LRFN5: variants seen among roughly 807,000 people sequenced by gnomAD.
The protein encoded by LRFN5 is leucine-rich repeat and fibronectin type-III domain-containing protein 5.
LRFN5 carries 24 observed loss-of-function variants against 45.6 expected under a neutral mutation model. The observed-to-expected ratio is 0.53, with a 90% CI of 0.38 to 0.74. The LOEUF (loss-of-function observed/expected upper bound fraction) is 0.74. Among genes scored for constraint, LRFN5 ranks in the 30% least tolerant of loss-of-function variants. LRFN5 has a pLI of 0.00. For missense variants in LRFN5, 776 were observed against 861.5 expected (o/e 0.90, Z 1.24); for synonymous variants, 340 against 313.8 (o/e 1.08, Z -0.88).
chr14:41,614,276 GA>G (rs1159330852), intron 1 of LRFN5, among the ~76,000 whole-genome samples: 2 of 151,960 alleles, frequency 1.3e-5, no homozygotes, highest in Non-Finnish European at 2.9e-5. Context: ...ATTTTACGTG[GA>G]TAGATATCTT....
chr14:41,808,581 G>T, intron 2 of LRFN5, among the ~76,000 whole-genome samples: 1 of 131,830 alleles, frequency 7.6e-6, no homozygotes, highest in African/African-American at 2.9e-5. Flanking sequence ...AAGGAAGGAA[G>T]GAAGGAAGGA....
chr14:41,828,386 T>G (rs1888367369), intron 2 of LRFN5, among the ~76,000 whole-genome samples: 1 of 151,978 alleles, frequency 6.6e-6, no homozygotes, highest in Non-Finnish European at 1.5e-5. Context: ...GTAGTGCTAG[T>G]AGAATCAAGT....
At chr14:41,831,844 A>G (rs1342200961) in intron 2 of LRFN5, among the ~76,000 whole-genome samples, 1 of 152,046 alleles carries the variant, frequency 6.6e-6, no homozygotes, top group African/African-American at 2.4e-5. Flanking sequence ...ATGCTTTTAT[A>G]TATTACAATT....
At chr14:41,799,414 A>G (rs1280373046) in intron 2 of LRFN5, among the ~76,000 whole-genome samples, 3 of 147,500 alleles carry the variant, frequency 2.0e-5, no homozygotes, top group Non-Finnish European at 4.5e-5. Context: ...TACAAACTTA[A>G]CAACTAATAG....
chr14:41,613,712 G>A (rs555118464), intron 1 of LRFN5, among the ~76,000 whole-genome samples: 2 of 151,916 alleles, frequency 1.3e-5, no homozygotes, highest in South Asian at 4.1e-4. Flanking sequence ...TCTGGGAGCA[G>A]TTTCTGAATT....
intron 2 of LRFN5, among the ~76,000 whole-genome samples, chr14:41,786,543 G>T (rs1217353316): frequency 7.0e-6 from 1 of 142,458 alleles, no homozygotes; most frequent in Non-Finnish European, 1.5e-5. Flanking sequence ...CTCTTTATGA[G>T]TTTTTTTTTT....
chr14:41,751,183 A>T (rs942368346), intron 1 of LRFN5, among the ~76,000 whole-genome samples: 15 of 152,128 alleles, frequency 9.9e-5, no homozygotes, highest in African/African-American at 3.4e-4. Flanking sequence ...CAACACAATT[A>T]TAATTCAAGA....
rs1467733154 is a variant in LRFN5 at position 41,753,649 on chromosome 14, C to T, written c.-196-13205C>T. ...GAGAATTTGCTGAAGTTGCCTTTCA[C>T]CTTATGGAGATTTTGGGCTGAGACG... On this transcript the variant is annotated intron_variant, in intron 1 of 5. Coordinates refer to ENST00000298119, the MANE Select transcript of LRFN5 (RefSeq NM_152447.5). 2.6e-5 allele frequency among the ~76,000 whole-genome samples: 4 copies of T among 152,190 alleles called. 1 individual carries two copies. Among genetic ancestry groups the T allele is most frequent in the African/African-American group, 9.6e-5 (4 of 41,518 alleles).
chr14:41,856,566 C>A (rs1486410248), intron 2 of LRFN5, among the ~76,000 whole-genome samples: 1 of 151,422 alleles, frequency 6.6e-6, no homozygotes, highest in Non-Finnish European at 1.5e-5. Context: ...CTCTCTGAAC[C>A]ATTTATTGAA....
intron 1 of LRFN5, among the ~76,000 whole-genome samples, chr14:41,730,300 C>T (rs1884114651): frequency 6.6e-6 from 1 of 152,000 alleles, no homozygotes; most frequent in African/African-American, 2.4e-5. Flanking sequence ...TCATTTATCA[C>T]CCCTACAGTA....
intron 2 of LRFN5, among the ~76,000 whole-genome samples, chr14:41,791,303 A>T (rs1472670417): frequency 6.6e-6 from 1 of 152,030 alleles, no homozygotes; most frequent in Non-Finnish European, 1.5e-5. Flanking sequence ...GTGATAAAAG[A>T]TCTGCTATGT....
chr14:41,900,036 ATCTC>A (rs148118978), intron 5 of LRFN5, among the ~76,000 whole-genome samples: 7 of 150,372 alleles, frequency 4.7e-5, no homozygotes, highest in African/African-American at 1.5e-4. Flanking sequence ...TTCTCTTTCC[ATCTC>A]TCTCTCTCTA....
At chr14:41,654,590 C>G (rs574750927) in intron 1 of LRFN5, among the ~76,000 whole-genome samples, 1 of 152,034 alleles carries the variant, frequency 6.6e-6, no homozygotes, top group African/African-American at 2.4e-5. Flanking sequence ...ATTCCATGAA[C>G]TAAAAGAATC....
chr14:41,718,523 T>G (rs1029938190), intron 1 of LRFN5, among the ~76,000 whole-genome samples: 1 of 152,214 alleles, frequency 6.6e-6, no homozygotes, highest in African/African-American at 2.4e-5. Flanking sequence ...TTACCTATTG[T>G]TCATGTTTTT....
intron 2 of LRFN5, among the ~76,000 whole-genome samples, chr14:41,783,728 T>C (rs1886619215): frequency 6.6e-6 from 1 of 152,192 alleles, no homozygotes; most frequent in Non-Finnish European, 1.5e-5. Flanking sequence ...ATTTTTTCAC[T>C]AATTTAGAAG....
intron 1 of LRFN5, among the ~76,000 whole-genome samples, chr14:41,626,037 A>T (rs1888319014): frequency 1.3e-5 from 2 of 152,110 alleles, no homozygotes; most frequent in African/African-American, 4.8e-5. Flanking sequence ...GGATACATAC[A>T]TAGGCAAAAA....
rs188749992 is a variant in LRFN5 at position 41,795,053 on chromosome 14, T to C, written c.-21+28024T>C. 1.4e-3 allele frequency among the ~76,000 whole-genome samples: 213 copies of C among 152,130 alleles called. 3 individuals carry two copies. Among genetic ancestry groups the C allele is most frequent in the Admixed American group, 0.014 (211 of 15,232 alleles). On this transcript the variant is annotated intron_variant, in intron 2 of 5. Coordinates refer to ENST00000298119, the MANE Select transcript of LRFN5 (RefSeq NM_152447.5). ...TATATATACTATATATTCTTATAAG[T>C]GGGCTGTAAATGTTTGGCAGCTAAA... is the stretch of plus-strand genomic sequence containing the variant.
At chr14:41,811,273 A>T (rs1037268802) in intron 2 of LRFN5, among the ~76,000 whole-genome samples, 1 of 152,078 alleles carries the variant, frequency 6.6e-6, no homozygotes, top group Non-Finnish European at 1.5e-5. Flanking sequence ...GACAATAACA[A>T]GTGTTAGTGA....
intron 5 of LRFN5, among the ~76,000 whole-genome samples, chr14:41,901,098 C>T (rs1213560437): frequency 6.6e-6 from 1 of 151,612 alleles, no homozygotes; most frequent in Non-Finnish European, 1.5e-5. Context: ...GTTGAGTGGC[C>T]TTGAAATATT....
Sources: gnomAD v4.1 joint callset for allele counts (sites outside exome capture counted in the v4.1 genomes callset) on GRCh38, gnomAD v4.1.1 for gene constraint, MANE v1.5 for transcripts, NCBI Gene and HGNC (gene_info 2026-07-23, HGNC 2026-07-21) for gene names.